Variants in C2orf42 observed in about 807,000 individuals in gnomAD.
C2orf42 encodes the protein chromosome 2 open reading frame 42.
In C2orf42, 44 loss-of-function variants were observed where a neutral mutation model predicts 58.9. The ratio of observed to expected loss-of-function variants is 0.75; its 90% CI spans 0.59 to 0.96. The LOEUF is 0.96. Among genes scored for constraint, C2orf42 ranks in the 40% least tolerant of loss-of-function variants. The pLI, the probability that C2orf42 is intolerant of heterozygous loss-of-function variation, is 0.00. For missense variants in C2orf42, 630 were observed against 699.2 expected (o/e 0.90, Z 1.12); for synonymous variants, 239 against 265.4 (o/e 0.90, Z 0.97).
rs1674623088 is a variant in C2orf42, at chr2:70,182,113, T to A, written c.-12-116A>T. On this transcript the variant is annotated intron_variant, in intron 2 of 9. Coordinates refer to ENST00000264434, the MANE Select transcript of C2orf42 (RefSeq NM_017880.3). The stretch of plus-strand genomic sequence containing the variant: ...ATAAAAAAGCTATCTACTATTTTTT[T>A]TTTTTAGACGGAGTCTCGCTCTGTC... 2.9e-5 allele frequency: 18 copies of A among 621,310 alleles called. 2 individuals carry two copies. In the South Asian group the frequency reaches 3.7e-4, roughly 13 times the overall value. 38.5% of individuals were successfully genotyped at this position (621,310 alleles called of 1,614,324 possible). A position where few individuals can be genotyped will look rare whatever the true frequency, so the allele number is the denominator to read the frequency against.
chr2:70,173,219 G>A (rs1015531008), intron 5 of C2orf42, among the ~76,000 whole-genome samples: 1 of 149,024 alleles, frequency 6.7e-6, no homozygotes, highest in African/African-American at 2.5e-5. Flanking sequence ...TGCTTACTTT[G>A]TGACTTTCCT....
intron 9 of C2orf42, among the ~76,000 whole-genome samples, chr2:70,160,413 G>T (rs969088106): frequency 8.5e-5 from 13 of 152,142 alleles, no homozygotes; most frequent in African/African-American, 3.1e-4. Flanking sequence ...AAAGTGCTGG[G>T]ATTATAGGTG....
chr2:70,182,097 C>T, intron 2 of C2orf42, 100 bp from the exon 3 acceptor site: 1 of 645,998 alleles, frequency 1.5e-6, no homozygotes, highest in Non-Finnish European at 2.6e-6. Context: ...TATAAAAAAG[C>T]TATCTACTAT....
chr2:70,185,993 T>TA lies in C2orf42; in HGVS notation c.-281-3059dup, dbSNP rs746486291. Among the ~76,000 whole-genome samples the TA allele has an allele frequency of 7.6e-3, 759 of 99,228 alleles. 6 individuals are homozygous for TA. Among genetic ancestry groups the TA allele is most frequent in the African/African-American group, 0.011 (324 of 28,194 alleles). The allele number at this position is 99,228 out of a possible 152,430, so 65.1% of individuals were successfully genotyped here. ...CGGTAGCAGGCCCCATCCCTAATTG[T>TA]AAAAAAAAAAAAAAAAAAAAAGTCT... On this transcript the variant is annotated intron_variant, in intron 1 of 9. Transcript: ENST00000264434.
intron 5 of C2orf42, among the ~76,000 whole-genome samples, chr2:70,174,822 C>T (rs1674078916): frequency 6.6e-6 from 1 of 152,108 alleles, no homozygotes; most frequent in Admixed American, 6.6e-5. Flanking sequence ...AGACGTCTGC[C>T]ACCACATCTG....
chr2:70,165,341 A>T (rs1663045874), intron 7 of C2orf42, 149 bp from the exon 8 acceptor site: 9 of 642,194 alleles, frequency 1.4e-5, no homozygotes, highest in Non-Finnish European at 2.2e-5. Context: ...AATATATAAA[A>T]GGTTTTGGTG....
chr2:70,165,166 G>A lies in C2orf42; in HGVS notation c.1279C>T (p.Leu427=). 3.1e-6 allele frequency: 5 copies of A among 1,608,970 alleles called. No homozygotes were observed. Among genetic ancestry groups the A allele is most frequent in the Non-Finnish European group, 4.2e-6 (5 of 1,177,108 alleles). The change falls in exon 8 of 10, where the codon CTG becomes TTG. Residue 427 remains leucine, a synonymous_variant. Transcript: ENST00000264434. ...CAAGTATACTTGGAAAAGGTTCCCA[G>A]TGGCAAGGCATCTTTCCGAACAAAA... ...TAFVRKDALP[L]GTFSKYTWHI... is the part of the protein sequence containing the mutation.
chr2:70,150,599 C>T, intron 9 of C2orf42, 35 bp from the exon 10 acceptor site: 4 of 1,518,704 alleles, frequency 2.6e-6, no homozygotes, highest in Non-Finnish European at 3.7e-6. Flanking sequence ...TACAATTCCA[C>T]CTAACTCTAA....
intron 5 of C2orf42, among the ~76,000 whole-genome samples, chr2:70,174,941 G>A (rs1410225251): frequency 6.8e-6 from 1 of 147,100 alleles, no homozygotes; most frequent in East Asian, 2.1e-4. Context: ...CAAAGTGCTG[G>A]GATTACAGGC....
At chr2:70,153,675 T>TA (rs201383627) in intron 9 of C2orf42, among the ~76,000 whole-genome samples, 37,101 of 135,170 alleles carry the variant, frequency 0.27, 8,253 homozygotes, top group African/African-American at 0.62. Flanking sequence ...AACAGGAAAT[T>TA]AAAAAAAAAA....
chr2:70,173,331 T>C (rs1673961368), intron 5 of C2orf42, among the ~76,000 whole-genome samples: 2 of 146,012 alleles, frequency 1.4e-5, no homozygotes, highest in Non-Finnish European at 3.0e-5. Context: ...TGGAGTCTAG[T>C]AGCATGATCT....
chr2:70,169,727 T>C (rs909303630), intron 5 of C2orf42, 66 bp from the exon 6 acceptor site: 6 of 773,982 alleles, frequency 7.8e-6, no homozygotes, highest in South Asian at 1.5e-5. Flanking sequence ...AAACAGCTAA[T>C]TGAAGTTTGA....
At chr2:70,168,553 GC>G in intron 6 of C2orf42, among the ~76,000 whole-genome samples, 1 of 151,478 alleles carries the variant, frequency 6.6e-6, no homozygotes, top group Non-Finnish European at 1.5e-5. Context: ...CTCCCAAAGT[GC>G]TGGGATTACA....
intron 6 of C2orf42, among the ~76,000 whole-genome samples, chr2:70,167,514 G>C (rs1349397344): frequency 1.3e-5 from 2 of 152,066 alleles, no homozygotes; most frequent in Non-Finnish European, 2.9e-5. Context: ...GCCTAGGCAG[G>C]CGGATCACTT....
rs1672225512 is a variant in C2orf42 at position 70,150,316 on chromosome 2, G to A, written c.*40C>T. 4 of 1,564,068 alleles carry A rather than the reference G, an allele frequency of 2.6e-6. No homozygotes were observed. The highest frequency in any genetic ancestry group is 3.5e-6 in the Non-Finnish European group (4 of 1,139,344). On this transcript the variant is annotated 3_prime_UTR_variant, in exon 10 of 10. Coordinates refer to ENST00000264434, the MANE Select transcript of C2orf42 (RefSeq NM_017880.3). The stretch of plus-strand genomic sequence containing the variant: ...TTTAAAGTTGTCAAGGGGTGGGGAT[G>A]TGCAAATTAAGCAGCAAAAGATTAT...
At chr2:70,177,230 C>G (rs1485294608) in intron 4 of C2orf42, among the ~76,000 whole-genome samples, 1 of 151,660 alleles carries the variant, frequency 6.6e-6, no homozygotes, top group Non-Finnish European at 1.5e-5. Context: ...TGAGATCGCG[C>G]CATCACACTG....
chr2:70,162,388 C>CT (rs1673112467), intron 8 of C2orf42, among the ~76,000 whole-genome samples: 1 of 151,526 alleles, frequency 6.6e-6, no homozygotes, highest in African/African-American at 2.4e-5. Context: ...TGGCTCACGC[C>CT]TGTAATCCCA....
At chr2:70,157,270 T>C (rs997322790) in intron 9 of C2orf42, among the ~76,000 whole-genome samples, 2 of 150,318 alleles carry the variant, frequency 1.3e-5, no homozygotes, top group Admixed American at 6.7e-5. Context: ...CTGGCTAACA[T>C]GGTGAAACCC....
intron 6 of C2orf42, 40 bp from the exon 7 acceptor site, chr2:70,165,675 C>T (rs1398236539): frequency 2.7e-6 from 3 of 1,107,544 alleles, no homozygotes; most frequent in Non-Finnish European, 4.2e-6. Flanking sequence ...TAAAGAAACT[C>T]AGTGGACTTT....
Sources: gnomAD v4.1 joint callset for allele counts (sites outside exome capture counted in the v4.1 genomes callset) on GRCh38, gnomAD v4.1.1 for gene constraint, MANE v1.5 for transcripts, NCBI Gene and HGNC (gene_info 2026-07-23, HGNC 2026-07-21) for gene names.